The following FMNL3 variants were observed in gnomAD, a reference collection of about 807,000 sequenced individuals.
The protein encoded by FMNL3 is formin like 3.
Under a neutral mutation model 119.6 loss-of-function variants are expected in FMNL3, and 57 were observed. That is an observed-to-expected ratio of 0.48 (90% CI 0.39 to 0.59). The LOEUF is 0.59. FMNL3 is among the 20% of genes least tolerant of loss of function. The probability of loss-of-function intolerance (pLI) is 0.00; values close to 1 mark genes in which losing one functional copy is unlikely to be tolerated. For missense variants in FMNL3, 1,053 were observed against 1,323.5 expected (o/e 0.80, Z 3.17); for synonymous variants, 491 against 507.3 (o/e 0.97, Z 0.43).
chr12:49,662,298 A>C (rs531759920), intron 4 of FMNL3, among the ~76,000 whole-genome samples: 2 of 152,250 alleles, frequency 1.3e-5, no homozygotes, highest in Admixed American at 6.5e-5. Flanking sequence ...CTTCAGACAA[A>C]CAAGCTCTCA....
At chr12:49,687,573 T>C (rs957342578) in intron 1 of FMNL3, among the ~76,000 whole-genome samples, 1 of 152,176 alleles carries the variant, frequency 6.6e-6, no homozygotes, top group Non-Finnish European at 1.5e-5. Flanking sequence ...TCATGGTACT[T>C]CTTGCTACTT....
chr12:49,642,578 A>T lies in FMNL3; in HGVS notation c.*3237T>A. 1 of 1,614,178 alleles carries T rather than the reference A, an allele frequency of 6.2e-7. No individual in the cohort carries two copies. Among genetic ancestry groups the T allele is most frequent in the Non-Finnish European group, 8.5e-7 (1 of 1,180,006 alleles). On this transcript the variant is annotated 3_prime_UTR_variant, in exon 26 of 26. Coordinates refer to ENST00000335154, the MANE Select transcript of FMNL3 (RefSeq NM_175736.5). This position sits in a 1 kb window ranked among gnomAD's most constrained non-coding sequence, Gnocchi z 5.8. Reference sequence around the variant, plus strand: ...TGATCAGCAGTGCTCTCCTCGTTCAAGGTCCGTGAGCGTTTTGTGTGTGAC... The same window carrying T: ...TGATCAGCAGTGCTCTCCTCGTTCATGGTCCGTGAGCGTTTTGTGTGTGAC...
chr12:49,703,436 T>C lies in FMNL3; in HGVS notation c.126+3619A>G, dbSNP rs377068231. Reference sequence around the variant, plus strand: ...CCAAACTTCTCAATACCCAACAGAATGGGAAGTGCTACTCAGATAGGGGGT... The same window carrying C: ...CCAAACTTCTCAATACCCAACAGAACGGGAAGTGCTACTCAGATAGGGGGT... On this transcript the variant is annotated intron_variant, in intron 1 of 25. Transcript: ENST00000335154. 2.6e-5 allele frequency among the ~76,000 whole-genome samples: 4 copies of C among 152,124 alleles called. No individual in the cohort carries two copies. In the East Asian group the frequency reaches 7.7e-4, roughly 29 times the overall value.
chr12:49,677,021 C>A (rs1459146175), intron 1 of FMNL3, among the ~76,000 whole-genome samples: 1 of 152,160 alleles, frequency 6.6e-6, no homozygotes, highest in African/African-American at 2.4e-5. Flanking sequence ...CGAATTTCTC[C>A]ATTCGTATAT....
At chr12:49,698,295 T>G (rs1944807202) in intron 1 of FMNL3, among the ~76,000 whole-genome samples, 1 of 151,914 alleles carries the variant, frequency 6.6e-6, no homozygotes, top group African/African-American at 2.4e-5. Context: ...GATAAGGTGG[T>G]AAAAGAGATG....
At chr12:49,648,455 C>T (rs1943284711) in intron 21 of FMNL3, 102 bp from the exon 22 acceptor site, 1 of 1,241,334 alleles carries the variant, frequency 8.1e-7, no homozygotes, top group Admixed American at 2.6e-5. Context: ...AGCATGGGCT[C>T]ACTCAGGTTC....
At chr12:49,703,013 A>G (rs1278550972) in intron 1 of FMNL3, among the ~76,000 whole-genome samples, 1 of 152,182 alleles carries the variant, frequency 6.6e-6, no homozygotes, top group African/African-American at 2.4e-5. Flanking sequence ...CCAAGTTGTC[A>G]GTCATCACCA....
intron 14 of FMNL3, 46 bp from the exon 15 acceptor site, chr12:49,651,496 C>T (rs1303420617): frequency 5.1e-6 from 7 of 1,371,148 alleles, no homozygotes; most frequent in Non-Finnish European, 5.7e-6. Context: ...TCAAGAGACT[C>T]TTCATAGGCT....
rs1942675943 is a variant in FMNL3 at position 49,641,699 on chromosome 12, T to C, written c.*4116A>G. ...AGACATCTCCCAACCCCTTCAGCTC[T>C]GTGTGACATCCAAACCAAGGGTAGG... On this transcript the variant is annotated 3_prime_UTR_variant, in exon 26 of 26. Transcript: ENST00000335154. The C allele has an allele frequency of 3.5e-6, 2 of 577,798 alleles. No individual in the cohort carries two copies. The highest frequency in any genetic ancestry group is 3.7e-5 in the African/African-American group (2 of 53,580). The allele number at this position is 577,798 out of a possible 1,614,324, so 35.8% of individuals were successfully genotyped here.
chr12:49,660,694 C>G (rs546019884), intron 5 of FMNL3, among the ~76,000 whole-genome samples: 4 of 152,248 alleles, frequency 2.6e-5, no homozygotes, highest in Non-Finnish European at 2.9e-5. Context: ...CAGCGGCTCA[C>G]GCCTGCAATC....
chr12:49,682,072 CTTTTT>C (rs1265176099), intron 1 of FMNL3, among the ~76,000 whole-genome samples: 1 of 139,036 alleles, frequency 7.2e-6, no homozygotes, highest in African/African-American at 2.6e-5. Context: ...CAATTTCAAC[CTTTTT>C]TTTTTTTTTT....
At position 49,645,010 on chromosome 12, in the gene FMNL3, AC is replaced by A. The variant is rs1405850774; in HGVS notation, c.*804del. On this transcript the variant is annotated 3_prime_UTR_variant, in exon 26 of 26. Transcript: ENST00000335154. ...AAGAGGAAAGGGAGGTGGTACATGT[AC>A]AAAAAAGTGGGCCCCCACATTCCCT... 1 of 151,820 alleles carries A rather than the reference AC, an allele frequency of 6.6e-6. No homozygotes were observed. The highest frequency in any genetic ancestry group is 6.6e-5 in the Admixed American group (1 of 15,238). 9.4% of individuals were successfully genotyped at this position (151,820 alleles called of 1,614,324 possible).
rs1370208480 is a variant in FMNL3, at chr12:49,657,169, G to A, written c.627C>T (p.Arg209=). 6.2e-7 allele frequency: 1 copy of A among 1,613,976 alleles called. No homozygotes were observed. The highest frequency in any genetic ancestry group is 2.2e-5 in the East Asian group (1 of 44,896). ...SVLRYSTLPG[R]RALKNSRLVS... ...CTAGGCGGGAGTTCTTCAGGGCCCT[G>A]CGCCCAGGGAGAGTGCTATACCTGG... is the stretch of plus-strand genomic sequence containing the variant. The change falls in exon 7 of 26, where the codon CGC becomes CGT. Residue 209 remains arginine, a synonymous_variant. Transcript: ENST00000335154.
rs778723233 is a variant in FMNL3, at chr12:49,651,456, GGAA to G, written c.1604-9_1604-7del. On this transcript the variant is annotated splice_region_variant and splice_polypyrimidine_tract_variant and intron_variant, in intron 14 of 25. Coordinates refer to ENST00000335154, the MANE Select transcript of FMNL3 (RefSeq NM_175736.5). ...TGGGGCTGGGGGACACTTGTCTGGG[GGAA>G]GAAGAAATGACACAGTGACCCAGGC... The G allele has an allele frequency of 1.4e-6, 2 of 1,463,732 alleles. No individual in the cohort carries two copies. The highest frequency in any genetic ancestry group is 2.4e-5 in the Admixed American group (1 of 42,170). The allele number at this position is 1,463,732 out of a possible 1,614,324, so 90.7% of individuals were successfully genotyped here. A position where few individuals can be genotyped will look rare whatever the true frequency, so the allele number is the denominator to read the frequency against.
Position 49,651,000 on chromosome 12 carries a change from CA to C in FMNL3, c.1798-123del, listed in dbSNP as rs1376908195. On this transcript the variant is annotated intron_variant, in intron 16 of 25. Transcript: ENST00000335154. ...CTGGAATATTTCCTGAATACAAACA[CA>C]AAGTGTTGACACAACTAGAAATATA... 13 of 1,475,102 alleles carry C rather than the reference CA, an allele frequency of 8.8e-6. No individual in the cohort carries two copies. The East Asian group carries it at 3.0e-4, about 34-fold the overall frequency. The allele number at this position is 1,475,102 out of a possible 1,614,324, so 91.4% of individuals were successfully genotyped here.
At chr12:49,686,072 T>C (rs1189937049) in intron 1 of FMNL3, among the ~76,000 whole-genome samples, 1 of 151,654 alleles carries the variant, frequency 6.6e-6, no homozygotes, top group African/African-American at 2.4e-5. Flanking sequence ...GTCTCAAAAA[T>C]AAATAAATAA....
At position 49,668,487 on chromosome 12, in the gene FMNL3, T is replaced by C; in HGVS notation, c.194A>G (p.Asp65Gly). 6.2e-7 allele frequency: 1 copy of C among 1,614,048 alleles called. No homozygotes were observed. The highest frequency in any genetic ancestry group is 2.2e-5 in the East Asian group (1 of 44,882). ...LRQYDNEKKWDLICDQERFQV... is the reference protein window; with the variant it reads ...LRQYDNEKKWGLICDQERFQV... ...ACCCCATACCTGGTCACAGATCAGA[T>C]CCCATTTCTTCTCATTGTCATACTG... is the stretch of plus-strand genomic sequence containing the variant. Residue 65 changes from aspartate to glycine, a missense_variant, in exon 2 of 26, where the codon GAT becomes GGT. Asp to Gly is a moderately conservative substitution (Grantham distance 94). This residue lies in a region of FMNL3 where 264 missense variants were observed against 265.5 expected (regional missense o/e 0.99). Coordinates refer to ENST00000335154, the MANE Select transcript of FMNL3 (RefSeq NM_175736.5).
intron 1 of FMNL3, among the ~76,000 whole-genome samples, chr12:49,677,164 A>C (rs905530308): frequency 6.6e-6 from 1 of 152,272 alleles, no homozygotes; most frequent in Non-Finnish European, 1.5e-5. Flanking sequence ...CATAAATGAC[A>C]GTAGTAACAT....
chr12:49,707,258 C>T lies in FMNL3; in HGVS notation c.-78G>A. On this transcript the variant is annotated 5_prime_UTR_variant, in exon 1 of 26. Transcript: ENST00000335154. ...TTTCGGCTCCGCGGCTCCGACCAGG[C>T]TCCTCCCTCAGCGCCGGCTCCCCGA... The T allele has an allele frequency of 1.5e-6, 2 of 1,318,324 alleles. No homozygotes were observed. Among genetic ancestry groups the T allele is most frequent in the Admixed American group, 3.5e-5 (1 of 28,742 alleles). 81.7% of individuals were successfully genotyped at this position (1,318,324 alleles called of 1,614,324 possible).
Sources: gnomAD v4.1 joint callset for allele counts (sites outside exome capture counted in the v4.1 genomes callset) on GRCh38, gnomAD v4.1.1 for gene constraint, gnomAD v4.1.1 regional missense constraint, Gnocchi (gnomAD v3.1) non-coding constraint, MANE v1.5 for transcripts, NCBI Gene and HGNC (gene_info 2026-07-23, HGNC 2026-07-21) for gene names.